Variants in MRTFB observed in about 807,000 individuals in gnomAD.
The protein encoded by MRTFB is myocardin-related transcription factor B.
In MRTFB, 29 loss-of-function variants were observed where a neutral mutation model predicts 104.2. The observed-to-expected ratio is 0.28, with a 90% CI of 0.21 to 0.38. MRTFB has a LOEUF of 0.38. MRTFB is among the 10% of genes least tolerant of loss of function. The probability of loss-of-function intolerance (pLI) is 1.00; values close to 1 mark genes in which losing one functional copy is unlikely to be tolerated. For synonymous variants in MRTFB, 535 were observed against 519.5 expected (o/e 1.03, Z -0.41); for missense variants, 1,270 against 1,341.6 (o/e 0.95, Z 0.83).
intron 2 of MRTFB, among the ~76,000 whole-genome samples, chr16:14,095,943 T>A (rs2035337931): frequency 6.6e-6 from 1 of 152,190 alleles, no homozygotes; most frequent in South Asian, 2.1e-4. Context: ...TATGATATGT[T>A]CAGAACATGT....
chr16:14,043,725 G>A, the MRTFB span, among the ~76,000 whole-genome samples: 2 of 152,192 alleles, frequency 1.3e-5, no homozygotes, highest in African/African-American at 2.4e-5. Context: ...AGGAATCAAG[G>A]ATATCATAGC....
chr16:13,997,651 G>T, the MRTFB span, among the ~76,000 whole-genome samples: 1 of 151,852 alleles, frequency 6.6e-6, no homozygotes, highest in East Asian at 1.9e-4. Flanking sequence ...AAAATAGCTG[G>T]GTATGGTGGC....
chr16:14,157,628 G>C (rs903207099), intron 3 of MRTFB, among the ~76,000 whole-genome samples: 3 of 152,148 alleles, frequency 2.0e-5, no homozygotes, highest in Non-Finnish European at 4.4e-5. Flanking sequence ...GGTGAGGGAG[G>C]CTTCCATGTC....
At chr16:14,135,288 G>T (rs1434014368) in intron 2 of MRTFB, among the ~76,000 whole-genome samples, 1 of 152,140 alleles carries the variant, frequency 6.6e-6, no homozygotes, top group Non-Finnish European at 1.5e-5. Flanking sequence ...AAGCCTTGAC[G>T]TTTTGTCTCT....
chr16:14,033,309 GC>G, the MRTFB span, among the ~76,000 whole-genome samples: 1 of 152,168 alleles, frequency 6.6e-6, no homozygotes, highest in South Asian at 2.1e-4. Flanking sequence ...ATTTTGGGAG[GC>G]CGAGGCAGGA....
At chr16:14,054,889 A>T in the MRTFB span, among the ~76,000 whole-genome samples, 1 of 152,244 alleles carries the variant, frequency 6.6e-6, no homozygotes, top group Non-Finnish European at 1.5e-5. Flanking sequence ...AGCAGTAAAC[A>T]GGTAAACTGA....
At chr16:14,207,560 G>T (rs2041005506) in intron 3 of MRTFB, among the ~76,000 whole-genome samples, 1 of 152,120 alleles carries the variant, frequency 6.6e-6, no homozygotes, top group Non-Finnish European at 1.5e-5. Flanking sequence ...GATGAGAGTG[G>T]TTTTTGTATG....
chr16:14,073,675 G>A (rs2033869678), intron 1 of MRTFB, among the ~76,000 whole-genome samples: 1 of 152,184 alleles, frequency 6.6e-6, no homozygotes, highest in Admixed American at 6.5e-5. Flanking sequence ...ATTGAGGTTA[G>A]AATGGAGTTG....
the MRTFB span, among the ~76,000 whole-genome samples, chr16:14,030,618 A>G: frequency 6.6e-6 from 1 of 152,200 alleles, no homozygotes; most frequent in Non-Finnish European, 1.5e-5. Context: ...GCTCTCATTC[A>G]TCCTCCCAAC....
At position 14,210,225 on chromosome 16, in the gene MRTFB, A is replaced by T. The variant is rs375889470; in HGVS notation, c.155-18A>T. On this transcript the variant is annotated intron_variant, in intron 3 of 16. Coordinates refer to ENST00000571589, the MANE Select transcript of MRTFB (RefSeq NM_001308142.2). The stretch of plus-strand genomic sequence containing the variant: ...CAGTTGCCGATAAACTCCAATGGTG[A>T]TTATTTCCTTTTCACAGTGCTCCAG... The T allele has an allele frequency of 5.0e-4, 802 of 1,606,720 alleles. 4 individuals carry two copies. Among genetic ancestry groups the T allele is most frequent in the Non-Finnish European group, 3.4e-4 (401 of 1,174,220 alleles).
intron 10 of MRTFB, among the ~76,000 whole-genome samples, chr16:14,242,861 A>C (rs2042834773): frequency 6.6e-6 from 1 of 152,184 alleles, no homozygotes; most frequent in African/African-American, 2.4e-5. Context: ...ATAGAATCTC[A>C]ACAGGAAAAA....
At chr16:14,153,320 C>G (rs1423532283) in intron 3 of MRTFB, 1 of 152,108 alleles carries the variant, frequency 6.6e-6, no homozygotes, top group Non-Finnish European at 1.5e-5. Flanking sequence ...AAAAGTATTG[C>G]TTTTCTAGTA....
chr16:14,132,353 G>C (rs1457550592), intron 2 of MRTFB, among the ~76,000 whole-genome samples: 2 of 151,886 alleles, frequency 1.3e-5, no homozygotes, highest in Non-Finnish European at 2.9e-5. Flanking sequence ...GACTTGGATA[G>C]TGATGGTTAC....
the MRTFB span, among the ~76,000 whole-genome samples, chr16:14,057,777 G>A: frequency 6.6e-6 from 1 of 152,198 alleles, no homozygotes; most frequent in Non-Finnish European, 1.5e-5. Flanking sequence ...AGATAACTAA[G>A]GCAAGGCAAG....
At chr16:14,012,224 C>CT in the MRTFB span, among the ~76,000 whole-genome samples, 3 of 134,210 alleles carry the variant, frequency 2.2e-5, no homozygotes, top group Non-Finnish European at 4.7e-5. Flanking sequence ...TTTTCTTTTT[C>CT]TTTTTTTTCT....
chr16:14,009,375 C>T, the MRTFB span: 1 of 152,186 alleles, frequency 6.6e-6, no homozygotes, highest in African/African-American at 2.4e-5. Context: ...ATCCTGCAAC[C>T]ATACTAAACT....
rs2043873902 is a variant in MRTFB, at chr16:14,264,340, G to T, written c.*2896G>T. 6.6e-6 allele frequency: 1 copy of T among 152,154 alleles called. No individual in the cohort carries two copies. The highest frequency in any genetic ancestry group is 2.4e-5 in the African/African-American group (1 of 41,418). 9.4% of individuals were successfully genotyped at this position (152,154 alleles called of 1,614,324 possible). A position where few individuals can be genotyped will look rare whatever the true frequency, so the allele number is the denominator to read the frequency against. ...TAGATAGTCAGATCATCCTACTGGGGGTGGGATGAATTTAAAAGTTATACC... is the reference window on the plus strand; with the variant it reads ...TAGATAGTCAGATCATCCTACTGGGTGTGGGATGAATTTAAAAGTTATACC... On this transcript the variant is annotated 3_prime_UTR_variant, in exon 17 of 17. Coordinates refer to ENST00000571589, the MANE Select transcript of MRTFB (RefSeq NM_001308142.2).
chr16:14,264,284 A>G lies in MRTFB; in HGVS notation c.*2840A>G, dbSNP rs1434336308. On this transcript the variant is annotated 3_prime_UTR_variant, in exon 17 of 17. Transcript: ENST00000571589. The stretch of plus-strand genomic sequence containing the variant: ...ACTTTCCTACATGTTCTCAAAACAC[A>G]GTAGTACCAGCCTTACCTTTCTGCT... 1 of 152,244 alleles carries G rather than the reference A, an allele frequency of 6.6e-6. No homozygotes were observed. Among genetic ancestry groups the G allele is most frequent in the Non-Finnish European group, 1.5e-5 (1 of 68,036 alleles). The allele number at this position is 152,244 out of a possible 1,614,324, so 9.4% of individuals were successfully genotyped here. A position where few individuals can be genotyped will look rare whatever the true frequency, so the allele number is the denominator to read the frequency against.
Position 14,258,103 on chromosome 16 carries a change from T to G in MRTFB, c.2706T>G (p.Ile902Met). 1 of 1,613,794 alleles carries G rather than the reference T, an allele frequency of 6.2e-7. No individual in the cohort carries two copies. The highest frequency in any genetic ancestry group is 1.1e-5 in the South Asian group (1 of 91,054). ...ATTTGTACTCTCCTTCATTGTAGATTTCCAACGCTCACAGTCAGCAGATGG... is the reference window on the plus strand; with the variant it reads ...ATTTGTACTCTCCTTCATTGTAGATGTCCAACGCTCACAGTCAGCAGATGG... ...TRSTQAPLPE[I>M]SNAHSQQMDD... The change falls in exon 16 of 17, where the codon ATT (isoleucine) becomes ATG (methionine). Residue 902 changes from isoleucine to methionine, a missense_variant and splice_region_variant. Physicochemically the swap from Ile to Met is conservative, Grantham distance 10. Transcript: ENST00000571589.
Sources: allele counts gnomAD v4.1 joint callset (sites outside exome capture counted in the v4.1 genomes callset), GRCh38; gene constraint gnomAD v4.1.1; transcripts MANE v1.5; gene names NCBI Gene and HGNC (gene_info 2026-07-23, HGNC 2026-07-21).